BLVRA: variants seen among roughly 807,000 people sequenced by gnomAD.
BLVRA encodes biliverdin reductase A, also known as BVR A.
Under a neutral mutation model 32.8 loss-of-function variants are expected in BLVRA, and 22 were observed. That is an observed-to-expected ratio of 0.67 (90% CI 0.48 to 0.96). The LOEUF (loss-of-function observed/expected upper bound fraction) is 0.96, where lower values mean the gene tolerates loss of function less well. Among genes scored for constraint, BLVRA ranks in the 40% least tolerant of loss-of-function variants. BLVRA has a pLI of 0.00. For missense variants in BLVRA, 323 were observed against 358.1 expected (o/e 0.90, Z 0.79); for synonymous variants, 119 against 141.3 (o/e 0.84, Z 1.12).
rs763250743 is a variant in BLVRA, at chr7:43,807,227, A to G, written c.883A>G (p.Arg295Gly). Residue 295 changes from arginine (R) to glycine (G), a missense_variant, in exon 8 of 8, where the codon AGG becomes GGG. Physicochemically the swap from Arg to Gly is moderately radical, Grantham distance 125. Coordinates refer to ENST00000265523, the MANE Select transcript of BLVRA (RefSeq NM_000712.4). ...AEEIQKYCCS[R>G]K is the part of the protein sequence containing the mutation. ...AGAAATCCAGAAATATTGCTGTTCA[A>G]GGAAGTAAGAGGAGGAGGTGATGTA... 4 of 1,604,486 alleles carry G rather than the reference A, an allele frequency of 2.5e-6. No individual in the cohort carries two copies. In the Admixed American group the frequency reaches 6.7e-5, roughly 27 times the overall value.
chr7:43,785,712 G>A (rs993034041), intron 2 of BLVRA, among the ~76,000 whole-genome samples: 5 of 152,206 alleles, frequency 3.3e-5, no homozygotes, highest in Non-Finnish European at 7.3e-5. Flanking sequence ...GCAAGTTCTG[G>A]AGAATCTCTC....
chr7:43,796,088 C>A (rs574546746), intron 5 of BLVRA, among the ~76,000 whole-genome samples: 1 of 147,134 alleles, frequency 6.8e-6, no homozygotes, highest in East Asian at 2.0e-4. Context: ...CCACTGTACT[C>A]CATCCTGGGC....
At chr7:43,800,971 T>C (rs1386608240) in intron 6 of BLVRA, among the ~76,000 whole-genome samples, 2 of 152,034 alleles carry the variant, frequency 1.3e-5, no homozygotes, top group Admixed American at 1.3e-4. Flanking sequence ...ATTTATTTAT[T>C]TATTTATAAT....
At chr7:43,767,149 C>G (rs1017490854) in intron 1 of BLVRA, 5 of 484,386 alleles carry the variant, frequency 1.0e-5, no homozygotes, top group Non-Finnish European at 1.9e-5. Context: ...TTTTGCTTTC[C>G]CCAGATTATG....
intron 4 of BLVRA, among the ~76,000 whole-genome samples, chr7:43,792,102 C>T (rs17245988): frequency 1.1e-3 from 169 of 152,292 alleles, no homozygotes; most frequent in African/African-American, 3.9e-3. Context: ...CTGCTGAGCA[C>T]AGAATTGTAG....
At chr7:43,800,980 A>G (rs1585743148) in intron 6 of BLVRA, among the ~76,000 whole-genome samples, 1 of 151,910 alleles carries the variant, frequency 6.6e-6, no homozygotes, top group South Asian at 2.1e-4. Context: ...TTTATTTATA[A>G]TAAATAATAA....
rs1357206996 is a variant in BLVRA, at chr7:43,781,887, T to C, written c.13-6017T>C. On this transcript the variant is annotated intron_variant, in intron 2 of 7. Transcript: ENST00000265523. ...AGCATCACAGAGATCTAAGCCCTGA[T>C]GTTTTTGACCCATGAATGCCTTTGT... Among the ~76,000 whole-genome samples the C allele has an allele frequency of 2.0e-5, 3 of 152,194 alleles. 1 individual carries two copies. Among genetic ancestry groups the C allele is most frequent in the Admixed American group, 1.3e-4 (2 of 15,262 alleles).
At chr7:43,765,321 G>C (rs990807812) in intron 1 of BLVRA, among the ~76,000 whole-genome samples, 5 of 151,524 alleles carry the variant, frequency 3.3e-5, no homozygotes, top group African/African-American at 4.9e-5. Flanking sequence ...GTGTGATCTC[G>C]GCTCACTGCA....
chr7:43,806,907 GT>G, intron 7 of BLVRA, 69 bp from the exon 8 acceptor site: 1 of 1,588,116 alleles, frequency 6.3e-7, no homozygotes, highest in Non-Finnish European at 8.6e-7. Flanking sequence ...AGGCGGTCTG[GT>G]GCCAGCAAGC....
intron 1 of BLVRA, among the ~76,000 whole-genome samples, chr7:43,761,065 C>G (rs952556434): frequency 2.0e-5 from 3 of 152,196 alleles, no homozygotes; most frequent in Non-Finnish European, 4.4e-5. Flanking sequence ...CCATTTCACC[C>G]GGCCTCTCTT....
chr7:43,763,724 T>C (rs1406887157), intron 1 of BLVRA, among the ~76,000 whole-genome samples: 1 of 152,224 alleles, frequency 6.6e-6, no homozygotes, highest in Non-Finnish European at 1.5e-5. Context: ...TGTGTGCTGT[T>C]TGTTGTGCTA....
intron 1 of BLVRA, among the ~76,000 whole-genome samples, chr7:43,768,403 A>G (rs1323608490): frequency 2.0e-5 from 3 of 152,218 alleles, no homozygotes; most frequent in African/African-American, 2.4e-5. Context: ...GGCCTCTGGC[A>G]CAGCCTGGGT....
intron 1 of BLVRA, among the ~76,000 whole-genome samples, chr7:43,766,108 C>T (rs1264834062): frequency 1.3e-5 from 2 of 151,896 alleles, no homozygotes; most frequent in African/African-American, 2.4e-5. Flanking sequence ...GCCAACATGG[C>T]GAAACCCCAT....
intron 1 of BLVRA, among the ~76,000 whole-genome samples, chr7:43,760,607 GA>G (rs973008987): frequency 2.6e-5 from 4 of 151,804 alleles, no homozygotes; most frequent in African/African-American, 7.3e-5. Context: ...TTTGGAATTT[GA>G]AAAAGACATT....
intron 5 of BLVRA, among the ~76,000 whole-genome samples, chr7:43,799,900 C>T (rs1285256114): frequency 6.6e-6 from 1 of 152,170 alleles, no homozygotes; most frequent in Non-Finnish European, 1.5e-5. Flanking sequence ...TAGATACCAT[C>T]TTGTTCTCTT....
In BLVRA at chr7:43,807,294, T is replaced by C. The variant is rs2095805052; in HGVS notation, c.*59T>C. The C allele has an allele frequency of 5.7e-6, 9 of 1,591,740 alleles. No individual in the cohort carries two copies. The East Asian group carries it at 2.0e-4, about 36-fold the overall frequency. On this transcript the variant is annotated 3_prime_UTR_variant, in exon 8 of 8. Transcript: ENST00000265523. Reference sequence around the variant, plus strand: ...ACCAGCATTTGGTTCTTCTCAAGAGTTGACCATTATCTCTATTCTTAAAAT... The same window carrying C: ...ACCAGCATTTGGTTCTTCTCAAGAGCTGACCATTATCTCTATTCTTAAAAT...
chr7:43,763,409 T>TACA lies in BLVRA; in HGVS notation c.-22+4676_-22+4678dup, dbSNP rs1379372452. Among the ~76,000 whole-genome samples the TACA allele has an allele frequency of 3.3e-5, 5 of 151,982 alleles. No individual in the cohort carries two copies. In the East Asian group the frequency reaches 9.6e-4, roughly 29 times the overall value. On this transcript the variant is annotated intron_variant, in intron 1 of 7. Transcript: ENST00000265523. ...GCTAAACCCAGCTGGATGCTAAGAGTACAGTCAGCCTGCCTGCTGAGGAGG... is the reference window on the plus strand; with the variant it reads ...GCTAAACCCAGCTGGATGCTAAGAGTACAACAGTCAGCCTGCCTGCTGAGGAGG...
At chr7:43,798,698 A>AATAAAAT (rs925436969) in intron 5 of BLVRA, among the ~76,000 whole-genome samples, 3 of 152,194 alleles carry the variant, frequency 2.0e-5, no homozygotes, top group Non-Finnish European at 2.9e-5. Flanking sequence ...ATGGCTAATA[A>AATAAAAT]CGTTTTGATG....
At chr7:43,793,836 A>G (rs1051245341) in intron 5 of BLVRA, among the ~76,000 whole-genome samples, 1 of 151,276 alleles carries the variant, frequency 6.6e-6, no homozygotes, top group African/African-American at 2.4e-5. Flanking sequence ...GTTGGACACA[A>G]TGGTCTCAAA....
Sources: gnomAD v4.1 joint callset for allele counts (sites outside exome capture counted in the v4.1 genomes callset) on GRCh38, gnomAD v4.1.1 for gene constraint, MANE v1.5 for transcripts, NCBI Gene and HGNC (gene_info 2026-07-23, HGNC 2026-07-21) for gene names.